SPRED2: variants seen among roughly 807,000 people sequenced by gnomAD.
SPRED2 encodes the protein sprouty-related, EVH1 domain-containing protein 2.
In SPRED2, 47 loss-of-function variants were observed where a neutral mutation model predicts 43.0. The ratio of observed to expected loss-of-function variants is 1.09; its 90% CI spans 0.87 to 1.40. SPRED2 has a LOEUF of 1.40. Ranked by LOEUF, SPRED2 falls within the 40% of genes most tolerant of loss-of-function variation. SPRED2 has a pLI of 0.00. For missense variants in SPRED2, 561 were observed against 586.4 expected, an observed-to-expected ratio of 0.96 and a Z score of 0.45; for synonymous variants, 225 against 225.7, an observed-to-expected ratio of 1.00 and a Z score of 0.03.
chr2:65,318,792 G>T (rs553463499), intron 4 of SPRED2, among the ~76,000 whole-genome samples: 87 of 152,134 alleles, frequency 5.7e-4, no homozygotes, highest in Non-Finnish European at 1.0e-3. Context: ...GACAATAGGT[G>T]TGCACCACCA....
chr2:65,343,725 C>G (rs965833754), intron 2 of SPRED2, among the ~76,000 whole-genome samples: 4 of 152,182 alleles, frequency 2.6e-5, no homozygotes, highest in Non-Finnish European at 5.9e-5. Flanking sequence ...ATCATAGATT[C>G]CTTCATAACA....
chr2:65,352,115 T>C (rs1331656343), intron 1 of SPRED2, among the ~76,000 whole-genome samples: 2 of 152,170 alleles, frequency 1.3e-5, no homozygotes, highest in Admixed American at 1.3e-4. Flanking sequence ...CAGAAAACAG[T>C]GTTAACGAAA....
At position 65,312,557 on chromosome 2, in the gene SPRED2, TTTGCAAA is replaced by T; in HGVS notation, c.*937_*943del. 8.1e-6 allele frequency: 8 copies of T among 985,594 alleles called. No individual in the cohort carries two copies. Among genetic ancestry groups the T allele is most frequent in the Non-Finnish European group, 9.6e-6 (8 of 829,926 alleles). The allele number at this position is 985,594 out of a possible 1,614,324, so 61.1% of individuals were successfully genotyped here. A position where few individuals can be genotyped will look rare whatever the true frequency, so the allele number is the denominator to read the frequency against. ...ATTTGTGTTTGAGGAAACTATTTGGTTTGCAAAACAACAAGCAAAATTTCTTACTTCA... is the reference window on the plus strand; with the variant it reads ...ATTTGTGTTTGAGGAAACTATTTGGTACAACAAGCAAAATTTCTTACTTCA... On this transcript the variant is annotated 3_prime_UTR_variant, in exon 6 of 6. Coordinates refer to ENST00000356388, the MANE Select transcript of SPRED2 (RefSeq NM_181784.3).
chr2:65,396,689 A>G (rs1355500568), intron 1 of SPRED2, among the ~76,000 whole-genome samples: 2 of 152,232 alleles, frequency 1.3e-5, no homozygotes, highest in Non-Finnish European at 2.9e-5. Flanking sequence ...GGAGCAGTGA[A>G]GCCAAACTAT....
intron 4 of SPRED2, among the ~76,000 whole-genome samples, chr2:65,326,380 C>T (rs914258934): frequency 2.0e-5 from 3 of 152,282 alleles, no homozygotes; most frequent in East Asian, 1.9e-4. Flanking sequence ...AACAGGAAGT[C>T]GTCTGCCATT....
rs1273482412 is a variant in SPRED2, at chr2:65,334,585, T to C, written c.373+20A>G. 1 of 1,610,930 alleles carries C rather than the reference T, an allele frequency of 6.2e-7. No homozygotes were observed. Among genetic ancestry groups the C allele is most frequent in the Non-Finnish European group, 8.5e-7 (1 of 1,177,868 alleles). On this transcript the variant is annotated intron_variant, in intron 3 of 5. Coordinates refer to ENST00000356388, the MANE Select transcript of SPRED2 (RefSeq NM_181784.3). ...AACATTTCCATAGTCCCACTAAGAA[T>C]GCAGCGACAAGTTCAATACCTTCTA...
At chr2:65,400,066 A>G (rs181719896) in intron 1 of SPRED2, among the ~76,000 whole-genome samples, 120 of 152,328 alleles carry the variant, frequency 7.9e-4, no homozygotes, top group Middle Eastern at 6.8e-3. Context: ...CTCTTCTCCA[A>G]TGAAGTTACT....
intron 1 of SPRED2, among the ~76,000 whole-genome samples, chr2:65,386,445 C>T (rs1329721890): frequency 6.6e-6 from 1 of 152,126 alleles, no homozygotes; most frequent in Non-Finnish European, 1.5e-5. Context: ...GGCCAGGTCA[C>T]GTCCTCTCTA....
chr2:65,424,819 G>A (rs768421887), intron 1 of SPRED2, among the ~76,000 whole-genome samples: 13 of 152,006 alleles, frequency 8.6e-5, no homozygotes, highest in African/African-American at 3.1e-4. Flanking sequence ...AGGTGTGGTG[G>A]CGCACACCTA....
At chr2:65,365,021 G>A (rs540870333) in intron 1 of SPRED2, among the ~76,000 whole-genome samples, 1 of 152,216 alleles carries the variant, frequency 6.6e-6, no homozygotes, top group East Asian at 1.9e-4. Flanking sequence ...AAAAAATGTT[G>A]TTAATAAAAA....
chr2:65,381,203 G>A (rs536709424), intron 1 of SPRED2, among the ~76,000 whole-genome samples: 8 of 152,286 alleles, frequency 5.3e-5, no homozygotes, highest in East Asian at 3.9e-4. Flanking sequence ...TCCTCAACTC[G>A]TAGCTCAGCT....
rs1674481089 is a variant in SPRED2 at position 65,350,652 on chromosome 2, CAA to C, written c.27-5758_27-5757del. 2.0e-5 allele frequency among the ~76,000 whole-genome samples: 3 copies of C among 152,110 alleles called. No individual in the cohort carries two copies. The South Asian group carries it at 6.2e-4, about 32-fold the overall frequency. On this transcript the variant is annotated intron_variant, in intron 1 of 5. Coordinates refer to ENST00000356388, the MANE Select transcript of SPRED2 (RefSeq NM_181784.3). Reference sequence around the variant, plus strand: ...TCCTGTCCCGGGATCACGCAATATGCAAAAGAGGCAGGTGACATTGTAAGTCA... The same window carrying C: ...TCCTGTCCCGGGATCACGCAATATGCAAGAGGCAGGTGACATTGTAAGTCA...
chr2:65,380,343 G>A (rs569881850), intron 1 of SPRED2, among the ~76,000 whole-genome samples: 4 of 152,044 alleles, frequency 2.6e-5, no homozygotes, highest in East Asian at 3.9e-4. Flanking sequence ...TCAAGGCTGC[G>A]TACTCATCCC....
chr2:65,329,650 AC>A (rs1424337575), intron 4 of SPRED2, among the ~76,000 whole-genome samples: 1 of 151,816 alleles, frequency 6.6e-6, no homozygotes, highest in Non-Finnish European at 1.5e-5. Flanking sequence ...TTTCCCTCTC[AC>A]CCTCTTCTGA....
At chr2:65,387,649 A>T in intron 1 of SPRED2, among the ~76,000 whole-genome samples, 1 of 152,350 alleles carries the variant, frequency 6.6e-6, no homozygotes, top group East Asian at 1.9e-4. Context: ...AAACAAATTT[A>T]AAAATTTAAA....
chr2:65,312,435 T>TATA lies in SPRED2; in HGVS notation c.*1063_*1065dup, dbSNP rs1169215152. Reference sequence around the variant, plus strand: ...TTTAAAAATCCCCTCTCCCCATTAATATAAAATAGCCAGGGGTTGGGGGGA... The same window carrying TATA: ...TTTAAAAATCCCCTCTCCCCATTAATATAATAAAATAGCCAGGGGTTGGGGGGA... On this transcript the variant is annotated 3_prime_UTR_variant, in exon 6 of 6. Coordinates refer to ENST00000356388, the MANE Select transcript of SPRED2 (RefSeq NM_181784.3). 6 of 985,300 alleles carry TATA rather than the reference T, an allele frequency of 6.1e-6. No homozygotes were observed. In the African/African-American group the frequency reaches 1.0e-4, roughly 17 times the overall value. 61.0% of individuals were successfully genotyped at this position (985,300 alleles called of 1,614,324 possible). A position where few individuals can be genotyped will look rare whatever the true frequency, so the allele number is the denominator to read the frequency against.
At chr2:65,334,100 C>A in intron 3 of SPRED2, 1 of 440,402 alleles carries the variant, frequency 2.3e-6, no homozygotes, top group Non-Finnish European at 4.6e-6. Context: ...AACACAATGC[C>A]TACTACTCAC....
intron 1 of SPRED2, among the ~76,000 whole-genome samples, chr2:65,350,548 G>A (rs1184309220): frequency 1.3e-5 from 2 of 152,156 alleles, no homozygotes; most frequent in Non-Finnish European, 2.9e-5. Context: ...CTGGACTGAG[G>A]ATCTCCCATT....
chr2:65,376,807 C>A (rs187052251), intron 1 of SPRED2, among the ~76,000 whole-genome samples: 1 of 152,062 alleles, frequency 6.6e-6, no homozygotes, highest in Admixed American at 6.5e-5. Context: ...CTCTGCCTCC[C>A]GGGTTTACGC....
Sources: gnomAD v4.1 joint callset for allele counts (sites outside exome capture counted in the v4.1 genomes callset) on GRCh38, gnomAD v4.1.1 for gene constraint, MANE v1.5 for transcripts, NCBI Gene and HGNC (gene_info 2026-07-23, HGNC 2026-07-21) for gene names.